The following C16orf96 variants were observed in gnomAD, a reference collection of about 807,000 sequenced individuals.
C16orf96 encodes the protein uncharacterized protein C16orf96.
In C16orf96, 108 loss-of-function variants were observed where a neutral mutation model predicts 103.6. The ratio of observed to expected loss-of-function variants is 1.04; its 90% CI spans 0.89 to 1.22. The LOEUF is 1.22. Among genes scored for constraint, C16orf96 ranks in the 50% most tolerant of loss-of-function variants. The probability of loss-of-function intolerance (pLI) is 0.00; values close to 1 mark genes in which losing one functional copy is unlikely to be tolerated. For synonymous variants in C16orf96, 566 were observed against 593.5 expected, an observed-to-expected ratio of 0.95 and a Z score of 0.67; for missense variants, 1,586 against 1,464.2, an observed-to-expected ratio of 1.08 and a Z score of -1.36.
chr16:4,600,213 CT>C lies in C16orf96; in HGVS notation c.3323del (p.Leu1108GlnfsTer150). 2 of 1,551,638 alleles carry C rather than the reference CT, an allele frequency of 1.3e-6. No homozygotes were observed. The highest frequency in any genetic ancestry group is 1.7e-6 in the Non-Finnish European group (2 of 1,146,984). On this transcript the variant is annotated frameshift_variant, in exon 16 of 16. Coordinates refer to ENST00000444310, the MANE Select transcript of C16orf96 (RefSeq NM_001145011.2). LOFTEE classifies it low-confidence loss of function (END_TRUNC). ...LLLLPPLIPSLRDPQQAPGST... is the reference protein window; with the variant it reads ...LLLLPPLIPSXRDPQQAPGST... ...GCTGCTGCCACCGCTGATTCCATCC[CT>C]AAGGGACCCCCAGCAGGCCCCAGGG...
chr16:4,554,373 CAG>C (rs1274100827), upstream of C16orf96, among the ~76,000 whole-genome samples: 1 of 150,614 alleles, frequency 6.6e-6, no homozygotes, highest in Non-Finnish European at 1.5e-5. Flanking sequence ...TTTTTTGAGA[CAG>C]AGTCTTGCTC....
intron 12 of C16orf96, among the ~76,000 whole-genome samples, chr16:4,594,014 C>T (rs1052956439): frequency 1.3e-5 from 2 of 152,160 alleles, no homozygotes; most frequent in African/African-American, 2.4e-5. Flanking sequence ...TCACCACAGC[C>T]GTGGGAAGGG....
At chr16:4,549,516 A>T in the C16orf96 span, among the ~76,000 whole-genome samples, 3 of 150,576 alleles carry the variant, frequency 2.0e-5, no homozygotes, top group African/African-American at 7.3e-5. Context: ...CCAGCTGGGC[A>T]CAGTGGCTCA....
rs532115559 is a variant in C16orf96, at chr16:4,575,418, C to T, written c.938C>T (p.Thr313Met). The T allele has an allele frequency of 7.6e-5, 118 of 1,550,042 alleles. No homozygotes were observed. The highest frequency in any genetic ancestry group is 7.8e-5 in the Non-Finnish European group (89 of 1,146,884). The change falls in exon 5 of 16, where the codon ACG (threonine) becomes ATG (methionine). Residue 313 changes from threonine to methionine, a missense_variant. Coordinates refer to ENST00000444310, the MANE Select transcript of C16orf96 (RefSeq NM_001145011.2). ...AQEPAQPPAL[T>M]PESAPGCTTE... ...GAGCCAGCGCAGCCTCCGGCCCTCA[C>T]GCCTGAGTCTGCACCTGGGTGCACA...
chr16:4,556,835 C>T lies in C16orf96; in HGVS notation c.346C>T (p.Arg116Trp), dbSNP rs533809033. The T allele has an allele frequency of 1.6e-4, 247 of 1,551,612 alleles. 1 individual carries two copies. Among genetic ancestry groups the T allele is most frequent in the African/African-American group, 1.4e-3 (101 of 73,168 alleles). The change falls in exon 1 of 16, where the codon CGG (arginine) becomes TGG (tryptophan). Residue 116 changes from arginine (R) to tryptophan (W), a missense_variant. Physicochemically the swap from Arg to Trp is moderately radical, Grantham distance 101 (BLOSUM62 -3). Coordinates refer to ENST00000444310, the MANE Select transcript of C16orf96 (RefSeq NM_001145011.2). ...GCTGGAAGCCAGCCAGGGCACTGCC[C>T]GGCCCGTCCAGGACCTGTGGCATCT... ...QLLEASQGTA[R>W]PVQDLWHLIK...
chr16:4,588,413 A>G (rs768799747), intron 9 of C16orf96, 82 bp downstream of exon 9: 80 of 1,452,016 alleles, frequency 5.5e-5, no homozygotes, highest in Non-Finnish European at 7.4e-5. Flanking sequence ...AAACGTTTTC[A>G]GTTTAGGAGG....
intron 7 of C16orf96, among the ~76,000 whole-genome samples, chr16:4,584,412 A>G (rs908291381): frequency 7.9e-5 from 11 of 139,900 alleles, no homozygotes; most frequent in African/African-American, 3.0e-4. Flanking sequence ...CAGTGGCGCA[A>G]TCTTGGCTCA....
intron 9 of C16orf96, 148 bp from the exon 10 acceptor site, chr16:4,591,518 C>T (rs952580837): frequency 1.4e-5 from 9 of 661,384 alleles, no homozygotes; most frequent in Non-Finnish European, 2.2e-5. Flanking sequence ...GAAGCTGTGT[C>T]ATTTTCCCTT....
At chr16:4,570,190 A>G (rs983035652) in intron 1 of C16orf96, among the ~76,000 whole-genome samples, 2 of 152,068 alleles carry the variant, frequency 1.3e-5, no homozygotes, top group East Asian at 1.9e-4. Flanking sequence ...CTCAAATGAT[A>G]CTCCTGCCTC....
chr16:4,583,782 A>G (rs1229231205), intron 7 of C16orf96, among the ~76,000 whole-genome samples: 4 of 151,762 alleles, frequency 2.6e-5, no homozygotes, highest in South Asian at 4.2e-4. Flanking sequence ...AAAATTAGCC[A>G]GGCGTGGTGG....
chr16:4,580,888 G>A (rs1010397992), intron 7 of C16orf96, among the ~76,000 whole-genome samples: 2 of 151,910 alleles, frequency 1.3e-5, no homozygotes, highest in Non-Finnish European at 2.9e-5. Flanking sequence ...ACTTTAGGAG[G>A]CTGAGGTGGG....
intron 1 of C16orf96, among the ~76,000 whole-genome samples, 154 bp from the exon 2 acceptor site, chr16:4,571,407 T>C (rs1426860345): frequency 6.6e-6 from 1 of 152,206 alleles, no homozygotes; most frequent in Non-Finnish European, 1.5e-5. Context: ...TTGACTTTAG[T>C]AGCATCTCCT....
chr16:4,592,284 T>G (rs1169489726), intron 10 of C16orf96, 21 bp from the exon 11 acceptor site: 2 of 1,551,376 alleles, frequency 1.3e-6, no homozygotes, highest in African/African-American at 2.7e-5. Flanking sequence ...GGGCAGCGGC[T>G]GATGATCATG....
In C16orf96 at chr16:4,594,238, C is replaced by T. The variant is rs754364112; in HGVS notation, c.2868-113C>T. 217 of 1,277,228 alleles carry T rather than the reference C, an allele frequency of 1.7e-4. 1 individual carries two copies. Among genetic ancestry groups the T allele is most frequent in the South Asian group, 7.9e-4 (52 of 66,086 alleles). 79.1% of individuals were successfully genotyped at this position (1,277,228 alleles called of 1,614,324 possible). A position where few individuals can be genotyped will look rare whatever the true frequency, so the allele number is the denominator to read the frequency against. On this transcript the variant is annotated intron_variant, in intron 12 of 15. Transcript: ENST00000444310. ...CCTGCCTGGCTGTGCCAGCTAAACA[C>T]AAGCTGAAAGAAATGCTGGTCTTCC...
In C16orf96 at chr16:4,600,199, C is replaced by T. The variant is rs778944355; in HGVS notation, c.3308C>T (p.Pro1103Leu). 21 of 1,551,514 alleles carry T rather than the reference C, an allele frequency of 1.4e-5. No homozygotes were observed. Among genetic ancestry groups the T allele is most frequent in the African/African-American group, 2.7e-5 (2 of 73,026 alleles). ...CTGCCACCTCTGCTGCTGCTGCCAC[C>T]GCTGATTCCATCCCTAAGGGACCCC... ...PSLPPLLLLP[P>L]LIPSLRDPQQ... Residue 1103 changes from proline (P) to leucine (L), a missense_variant, in exon 16 of 16, where the codon CCG (proline) becomes CTG (leucine). By Grantham distance (98) the Pro-to-Leu change is moderately conservative (BLOSUM62 -3). Coordinates refer to ENST00000444310, the MANE Select transcript of C16orf96 (RefSeq NM_001145011.2).
In C16orf96 at chr16:4,600,331, G is replaced by A; in HGVS notation, c.*14G>A. ...GCCAACCCGTGAGCCCCACCCCGCT[G>A]CGCCCCCCATCGCCAAGTCCCCTCC... is the stretch of plus-strand genomic sequence containing the variant. On this transcript the variant is annotated 3_prime_UTR_variant, in exon 16 of 16. Transcript: ENST00000444310. The A allele has an allele frequency of 6.6e-7, 1 of 1,522,664 alleles. No individual in the cohort carries two copies. Among genetic ancestry groups the A allele is most frequent in the Non-Finnish European group, 8.8e-7 (1 of 1,130,938 alleles). 94.3% of individuals were successfully genotyped at this position (1,522,664 alleles called of 1,614,324 possible).
chr16:4,579,757 GC>G (rs2059560627), intron 6 of C16orf96, among the ~76,000 whole-genome samples: 1 of 151,966 alleles, frequency 6.6e-6, no homozygotes, highest in African/African-American at 2.4e-5. Flanking sequence ...GATTACAGGG[GC>G]CCGCCACCAC....
At chr16:4,539,985 G>C in the C16orf96 span, among the ~76,000 whole-genome samples, 2 of 152,096 alleles carry the variant, frequency 1.3e-5, no homozygotes, top group South Asian at 4.1e-4. Flanking sequence ...AAAAACTCTA[G>C]GCTCTGAATT....
At chr16:4,550,717 C>G in the C16orf96 span, among the ~76,000 whole-genome samples, 1 of 152,222 alleles carries the variant, frequency 6.6e-6, no homozygotes, top group Non-Finnish European at 1.5e-5. Flanking sequence ...CCAGCAGACC[C>G]CAGGTCTTGT....
Sources: gnomAD v4.1 joint callset for allele counts (sites outside exome capture counted in the v4.1 genomes callset) on GRCh38, gnomAD v4.1.1 for gene constraint, MANE v1.5 for transcripts, NCBI Gene and HGNC (gene_info 2026-07-23, HGNC 2026-07-21) for gene names.